TMEM116: variants seen among roughly 807,000 people sequenced by gnomAD.
TMEM116 encodes transmembrane protein 116.
Under a neutral mutation model 44.3 loss-of-function variants are expected in TMEM116, and 38 were observed. The ratio of observed to expected loss-of-function variants is 0.86; its 90% CI spans 0.66 to 1.12. The LOEUF (loss-of-function observed/expected upper bound fraction) is 1.12, where lower values mean the gene tolerates loss of function less well. Among genes scored for constraint, TMEM116 ranks in the 50% most tolerant of loss-of-function variants. The pLI is 0.00. For synonymous variants in TMEM116, 132 were observed against 144.8 expected, an observed-to-expected ratio of 0.91 and a Z score of 0.64; for missense variants, 354 against 401.7, an observed-to-expected ratio of 0.88 and a Z score of 1.01.
chr12:111,991,700 T>C, intron 4 of TMEM116, 58 bp downstream of exon 4: 1 of 1,477,482 alleles, frequency 6.8e-7, no homozygotes, highest in South Asian at 1.3e-5. Flanking sequence ...TCTTTGTTTC[T>C]ATCTAGATCT....
At chr12:111,948,493 T>C (rs1033767978) in intron 4 of TMEM116, among the ~76,000 whole-genome samples, 1 of 152,142 alleles carries the variant, frequency 6.6e-6, no homozygotes, top group African/African-American at 2.4e-5. Flanking sequence ...AATATTTTGA[T>C]CAATAGTAGG....
chr12:112,000,108 T>A (rs915944220), intron 3 of TMEM116, among the ~76,000 whole-genome samples: 4 of 152,156 alleles, frequency 2.6e-5, no homozygotes, highest in Non-Finnish European at 5.9e-5. Context: ...TAAAACAAAA[T>A]CATCATGTGA....
chr12:111,980,910 C>T (rs571170698), intron 4 of TMEM116, among the ~76,000 whole-genome samples: 21 of 151,956 alleles, frequency 1.4e-4, no homozygotes, highest in African/African-American at 5.1e-4. Flanking sequence ...CTCCTCTCCA[C>T]AAAAAATACA....
At chr12:111,956,704 G>A (rs542678443) in intron 4 of TMEM116, among the ~76,000 whole-genome samples, 35 of 152,298 alleles carry the variant, frequency 2.3e-4, no homozygotes, top group Non-Finnish European at 4.1e-4. Context: ...TGGTGGAGAC[G>A]GGGTTTCGCC....
intron 4 of TMEM116, among the ~76,000 whole-genome samples, chr12:111,986,709 T>C (rs1329087792): frequency 6.6e-6 from 1 of 151,890 alleles, no homozygotes; most frequent in Non-Finnish European, 1.5e-5. Context: ...CTTGGGAGGC[T>C]GAGGTGGGAG....
chr12:111,953,506 A>G (rs2073883871), intron 4 of TMEM116, among the ~76,000 whole-genome samples: 2 of 152,186 alleles, frequency 1.3e-5, no homozygotes, highest in Non-Finnish European at 2.9e-5. Context: ...TCTCATGCAC[A>G]TATGCCTGAT....
chr12:111,975,658 C>T (rs1010477202), intron 4 of TMEM116, among the ~76,000 whole-genome samples: 1 of 152,142 alleles, frequency 6.6e-6, no homozygotes, highest in African/African-American at 2.4e-5. Context: ...CACTCCTATC[C>T]TTATAGCAAG....
chr12:111,991,760 G>T lies in TMEM116; in HGVS notation c.208C>A (p.Gln70Lys). 6.5e-7 allele frequency: 1 copy of T among 1,534,586 alleles called. No homozygotes were observed. Among genetic ancestry groups the T allele is most frequent in the Non-Finnish European group, 8.7e-7 (1 of 1,146,000 alleles). ...IICYNLQAVG[Q>K]IFYISSFLYT... ...AGTGACAGTCTTGTAGCACTCACCT[G>T]TCCAACTGCTTGTAGGTTATAGCAG... Residue 70 changes from glutamine to lysine, a missense_variant and splice_region_variant, in exon 4 of 11, where the codon CAG (glutamine) becomes AAG (lysine). Coordinates refer to ENST00000552374, the MANE Select transcript of TMEM116 (RefSeq NM_001193531.2).
chr12:111,942,483 C>A (rs756067119), intron 5 of TMEM116, among the ~76,000 whole-genome samples: 8 of 151,846 alleles, frequency 5.3e-5, no homozygotes, highest in Non-Finnish European at 7.4e-5. Flanking sequence ...CGTGTTAGCC[C>A]GAATGGTGTC....
intron 4 of TMEM116, among the ~76,000 whole-genome samples, chr12:111,962,246 G>A (rs1307911500): frequency 3.3e-5 from 5 of 152,048 alleles, no homozygotes; most frequent in Non-Finnish European, 1.5e-5. Context: ...ACTGCCCAAA[G>A]TAATTATAGA....
chr12:111,953,499 C>T (rs534258738), intron 4 of TMEM116, among the ~76,000 whole-genome samples: 1 of 152,292 alleles, frequency 6.6e-6, no homozygotes, highest in South Asian at 2.1e-4. Context: ...CGGAGGTTCT[C>T]ATGCACATAT....
chr12:111,986,559 C>T (rs1168021509), intron 4 of TMEM116, among the ~76,000 whole-genome samples: 5 of 152,152 alleles, frequency 3.3e-5, no homozygotes, highest in Admixed American at 3.3e-4. Context: ...CCTGTAATCC[C>T]AGCACTATGG....
chr12:111,944,032 GA>G (rs2073062430), intron 4 of TMEM116, among the ~76,000 whole-genome samples: 1 of 151,900 alleles, frequency 6.6e-6, no homozygotes, highest in Non-Finnish European at 1.5e-5. Context: ...TTCTAGTAAT[GA>G]CAGGCTAAGC....
intron 3 of TMEM116, chr12:112,001,037 G>T: frequency 5.3e-6 from 1 of 188,068 alleles, no homozygotes; most frequent in South Asian, 8.7e-5. Flanking sequence ...CTGCCACAAG[G>T]GACTTGGCGC....
At chr12:112,007,463 A>G (rs1004953484) in intron 1 of TMEM116, among the ~76,000 whole-genome samples, 1 of 152,150 alleles carries the variant, frequency 6.6e-6, no homozygotes, top group African/African-American at 2.4e-5. Flanking sequence ...CAAACCAACC[A>G]AACAAAAAGA....
At chr12:111,952,039 G>A (rs1044300878) in intron 4 of TMEM116, among the ~76,000 whole-genome samples, 13 of 152,030 alleles carry the variant, frequency 8.6e-5, no homozygotes, top group Non-Finnish European at 1.8e-4. Flanking sequence ...GACCATGTTG[G>A]CCAACATGGT....
intron 10 of TMEM116, among the ~76,000 whole-genome samples, 180 bp downstream of exon 10, chr12:111,932,406 A>G (rs949984967): frequency 6.6e-6 from 1 of 152,258 alleles, no homozygotes; most frequent in African/African-American, 2.4e-5. Context: ...TTACAACATT[A>G]TCTACCTCGA....
intron 4 of TMEM116, among the ~76,000 whole-genome samples, chr12:111,978,007 A>C (rs2075759294): frequency 6.6e-6 from 1 of 152,010 alleles, no homozygotes; most frequent in Non-Finnish European, 1.5e-5. Context: ...CAGATACAAC[A>C]AATAGGAAAC....
At chr12:111,973,572 A>G (rs1232850347) in intron 4 of TMEM116, among the ~76,000 whole-genome samples, 1 of 152,250 alleles carries the variant, frequency 6.6e-6, no homozygotes, top group East Asian at 1.9e-4. Context: ...TATATTAGAA[A>G]TATCTCAAAT....
Sources: allele counts gnomAD v4.1 joint callset (sites outside exome capture counted in the v4.1 genomes callset), GRCh38; gene constraint gnomAD v4.1.1; transcripts MANE v1.5; gene names NCBI Gene and HGNC (gene_info 2026-07-23, HGNC 2026-07-21).